The following EVI5 variants were observed in gnomAD, a reference collection of about 807,000 sequenced individuals.
EVI5 encodes ecotropic viral integration site 5.
Under a neutral mutation model 112.0 loss-of-function variants are expected in EVI5, and 73 were observed. The ratio of observed to expected loss-of-function variants is 0.65; its 90% CI spans 0.54 to 0.79. The LOEUF (loss-of-function observed/expected upper bound fraction) is 0.79. Ranked by LOEUF, EVI5 falls within the 30% of genes least tolerant of loss-of-function variation. EVI5 has a pLI of 0.00. For synonymous variants in EVI5, 305 were observed against 319.9 expected (o/e 0.95, Z 0.50); for missense variants, 900 against 968.8 (o/e 0.93, Z 0.94).
chr1:92,633,916 A>G (rs1658078673), intron 14 of EVI5, among the ~76,000 whole-genome samples: 1 of 151,920 alleles, frequency 6.6e-6, no homozygotes, highest in African/African-American at 2.4e-5. Context: ...ACTGAGGAGG[A>G]TTTTATTTCT....
intron 19 of EVI5, among the ~76,000 whole-genome samples, chr1:92,535,278 G>A (rs1663665904): frequency 6.6e-6 from 1 of 152,184 alleles, no homozygotes; most frequent in African/African-American, 2.4e-5. Context: ...GAGAGGATGT[G>A]GAGAAATAGG....
At position 92,563,664 on chromosome 1, in the gene EVI5, T is replaced by G; in HGVS notation, c.2144A>C (p.Gln715Pro). ...SNQYIGELKD[Q>P]IAELNHELRC... ...TACCTCATGATTCAGCTCTGCTATC[T>G]GATCTTTCAGTTCCCCAATATACTG... Residue 715 changes from glutamine to proline, a missense_variant, in exon 19 of 20, where the codon CAG becomes CCG. Coordinates refer to ENST00000684568, the MANE Select transcript of EVI5 (RefSeq NM_001350197.2). The G allele has an allele frequency of 1.3e-6, 2 of 1,596,120 alleles. No homozygotes were observed. The highest frequency in any genetic ancestry group is 1.7e-6 in the Non-Finnish European group (2 of 1,166,236).
intron 1 of EVI5, among the ~76,000 whole-genome samples, chr1:92,777,366 C>T (rs917300281): frequency 3.3e-5 from 5 of 152,186 alleles, no homozygotes; most frequent in Non-Finnish European, 5.9e-5. Context: ...ATCCATTTCT[C>T]CAGGCACTCA....
At chr1:92,729,712 T>C (rs1676146649) in intron 2 of EVI5, among the ~76,000 whole-genome samples, 1 of 152,224 alleles carries the variant, frequency 6.6e-6, no homozygotes, top group Non-Finnish European at 1.5e-5. Context: ...ATGTAAACAT[T>C]ATATAATAGT....
chr1:92,704,462 G>T, intron 3 of EVI5, 93 bp downstream of exon 3: 2 of 720,456 alleles, frequency 2.8e-6, no homozygotes, highest in Non-Finnish European at 4.5e-6. Context: ...TAGCTTGGAA[G>T]TTGTATTTGG....
chr1:92,670,159 G>A (rs959861364), intron 10 of EVI5, among the ~76,000 whole-genome samples: 2 of 152,038 alleles, frequency 1.3e-5, no homozygotes, highest in Admixed American at 1.3e-4. Context: ...TTTTATAACT[G>A]GCTATGGAAA....
At chr1:92,613,887 T>A (rs535062324) in intron 16 of EVI5, among the ~76,000 whole-genome samples, 1 of 152,326 alleles carries the variant, frequency 6.6e-6, no homozygotes, top group Admixed American at 6.5e-5. Context: ...CCACTGTGCC[T>A]GTCTAAGACT....
chr1:92,524,145 TAAA>T (rs113683851), intron 19 of EVI5, among the ~76,000 whole-genome samples: 1 of 133,806 alleles, frequency 7.5e-6, no homozygotes, highest in Non-Finnish European at 1.6e-5. Context: ...GTTTATTATT[TAAA>T]AAAAAAAAAA....
chr1:92,627,331 A>G (rs971520789), intron 14 of EVI5, among the ~76,000 whole-genome samples: 1 of 152,194 alleles, frequency 6.6e-6, no homozygotes, highest in African/African-American at 2.4e-5. Flanking sequence ...GACACTGCAA[A>G]TGCTGTTAAT....
At chr1:92,520,406 A>G (rs2101710654) in intron 19 of EVI5, among the ~76,000 whole-genome samples, 2 of 152,332 alleles carry the variant, frequency 1.3e-5, no homozygotes, top group East Asian at 3.9e-4. Flanking sequence ...ATGTAAATGT[A>G]AACTAATGAT....
At position 92,639,129 on chromosome 1, in the gene EVI5, T is replaced by A. The variant is rs531050642; in HGVS notation, c.1393-2793A>T. Among the ~76,000 whole-genome samples, 4 of 152,306 alleles carry A rather than the reference T, an allele frequency of 2.6e-5. No individual in the cohort carries two copies. The South Asian group carries it at 8.3e-4, about 32-fold the overall frequency. Reference sequence around the variant, plus strand: ...TCTATACTTACATCAAGTTAATTTATGTAAATGAATCTCATAATGTTTCTG... The same window carrying A: ...TCTATACTTACATCAAGTTAATTTAAGTAAATGAATCTCATAATGTTTCTG... On this transcript the variant is annotated intron_variant, in intron 13 of 19. Coordinates refer to ENST00000684568, the MANE Select transcript of EVI5 (RefSeq NM_001350197.2).
chr1:92,672,521 C>T (rs1208677727), intron 10 of EVI5, among the ~76,000 whole-genome samples: 3 of 152,198 alleles, frequency 2.0e-5, no homozygotes, highest in Admixed American at 6.5e-5. Flanking sequence ...CCAAACACTA[C>T]CATTTTACAT....
intron 1 of EVI5, chr1:92,756,904 G>C (rs971025231): frequency 5.2e-6 from 2 of 383,142 alleles, no homozygotes; most frequent in Non-Finnish European, 1.0e-5. Flanking sequence ...CTTATAACCA[G>C]AGCTTTCAGA....
chr1:92,768,486 C>G (rs1375793506), intron 1 of EVI5, among the ~76,000 whole-genome samples: 3 of 152,230 alleles, frequency 2.0e-5, no homozygotes, highest in Non-Finnish European at 4.4e-5. Flanking sequence ...TCCGTCAGAG[C>G]TTATGCTCTT....
chr1:92,591,070 C>T (rs1299863798), intron 18 of EVI5, among the ~76,000 whole-genome samples: 2 of 152,106 alleles, frequency 1.3e-5, no homozygotes, highest in African/African-American at 2.4e-5. Flanking sequence ...TGCTGAGAGA[C>T]TTTGTCACCA....
chr1:92,728,459 C>T (rs1000080569), intron 2 of EVI5, among the ~76,000 whole-genome samples: 14 of 151,466 alleles, frequency 9.2e-5, no homozygotes, highest in African/African-American at 3.4e-4. Flanking sequence ...GCGATCTCTG[C>T]TCACTGCAAT....
chr1:92,570,336 G>C (rs1571610184), intron 18 of EVI5, among the ~76,000 whole-genome samples: 1 of 151,944 alleles, frequency 6.6e-6, no homozygotes, highest in East Asian at 1.9e-4. Flanking sequence ...GGCAGGGGGG[G>C]CCTAATTTTG....
chr1:92,718,299 C>A (rs1019277631), intron 2 of EVI5, among the ~76,000 whole-genome samples: 1 of 152,144 alleles, frequency 6.6e-6, no homozygotes, highest in Non-Finnish European at 1.5e-5. Flanking sequence ...GGAAGTAAAG[C>A]ACTCCTCAGC....
chr1:92,761,809 T>C (rs1200891360), intron 1 of EVI5, among the ~76,000 whole-genome samples: 1 of 152,166 alleles, frequency 6.6e-6, no homozygotes, highest in Non-Finnish European at 1.5e-5. Flanking sequence ...AAATATCTTA[T>C]TACAGTAGGA....
Sources: allele counts gnomAD v4.1 joint callset (sites outside exome capture counted in the v4.1 genomes callset), GRCh38; gene constraint gnomAD v4.1.1; transcripts MANE v1.5; gene names NCBI Gene and HGNC (gene_info 2026-07-23, HGNC 2026-07-21).